PGAP4: variants seen among roughly 807,000 people sequenced by gnomAD.
PGAP4 encodes post-GPI attachment to proteins GalNAc transferase 4, also known as GPI-N-acetylgalactosamine transferase PGAP4.
A neutral mutation model predicts 28.2 loss-of-function variants in PGAP4; 12 were observed. The observed-to-expected ratio is 0.42, with a 90% CI of 0.27 to 0.69. The LOEUF (loss-of-function observed/expected upper bound fraction) is 0.69. Ranked by LOEUF, PGAP4 falls within the 30% of genes least tolerant of loss-of-function variation. PGAP4 has a pLI of 0.22. For synonymous variants in PGAP4, 205 were observed against 211.8 expected, an observed-to-expected ratio of 0.97 and a Z score of 0.28; for missense variants, 425 against 513.5, an observed-to-expected ratio of 0.83 and a Z score of 1.67.
chr9:101,520,821 T>C (rs944335451), intron 2 of PGAP4, among the ~76,000 whole-genome samples: 1 of 152,216 alleles, frequency 6.6e-6, no homozygotes, highest in African/African-American at 2.4e-5. Flanking sequence ...TGCTTTCAAC[T>C]TTTCCCCATT....
intron 2 of PGAP4, among the ~76,000 whole-genome samples, chr9:101,511,016 G>C (rs998477879): frequency 6.6e-6 from 1 of 152,164 alleles, no homozygotes; most frequent in Non-Finnish European, 1.5e-5. Context: ...ATGTTAATCT[G>C]TATTTGCAGC....
intron 2 of PGAP4, among the ~76,000 whole-genome samples, chr9:101,497,544 C>A (rs1826762037): frequency 6.6e-6 from 1 of 151,346 alleles, no homozygotes; most frequent in Non-Finnish European, 1.5e-5. Flanking sequence ...AACCCTGACA[C>A]CTTAATATAT....
chr9:101,492,439 G>A (rs1428463589), intron 2 of PGAP4, among the ~76,000 whole-genome samples: 5 of 151,996 alleles, frequency 3.3e-5, no homozygotes, highest in East Asian at 1.9e-4. Flanking sequence ...TGATCCGCCC[G>A]CCCGGCAGTA....
intron 2 of PGAP4, among the ~76,000 whole-genome samples, chr9:101,493,477 A>C (rs951371161): frequency 2.0e-5 from 3 of 152,242 alleles, no homozygotes; most frequent in African/African-American, 4.8e-5. Flanking sequence ...TGTGTACTCC[A>C]TGAATATGTA....
chr9:101,476,125 A>G lies in PGAP4; in HGVS notation c.968T>C (p.Leu323Pro). The part of the protein sequence containing the change: ...FLELRRLSPS[L>P]YSVVPASQCC... ...CTGAGAGGCAGGAACCACACTGTAC[A>G]GGGAAGGACTCAGCCGCCGCAGTTC... The change falls in exon 2 of 2, where the codon CTG becomes CCG. Residue 323 changes from leucine (L) to proline (P), a missense_variant. Transcript: ENST00000374848. The surrounding 1 kb of genome is among the most constrained non-coding windows in gnomAD (Gnocchi z 7.0). 1 of 1,614,048 alleles carries G rather than the reference A, an allele frequency of 6.2e-7. No individual in the cohort carries two copies. The highest frequency in any genetic ancestry group is 8.5e-7 in the Non-Finnish European group (1 of 1,179,960).
At chr9:101,483,060 T>C (rs1826529976) in intron 1 of PGAP4, among the ~76,000 whole-genome samples, 1 of 152,234 alleles carries the variant, frequency 6.6e-6, no homozygotes, top group Admixed American at 6.5e-5. Flanking sequence ...ATGATGCCTG[T>C]TGTCTTCCAT....
At chr9:101,493,917 T>C (rs147035990) in intron 2 of PGAP4, among the ~76,000 whole-genome samples, 14 of 152,162 alleles carry the variant, frequency 9.2e-5, no homozygotes, top group African/African-American at 3.4e-4. Flanking sequence ...GGTCTATAGG[T>C]ATATAACAAG....
intron 2 of PGAP4, among the ~76,000 whole-genome samples, chr9:101,495,217 T>C (rs374365776): frequency 2.4e-5 from 2 of 84,644 alleles, no homozygotes; most frequent in Non-Finnish European, 4.4e-5. Flanking sequence ...ATATATTTTA[T>C]ATATATTATA....
chr9:101,498,015 AC>A (rs1050500612), intron 2 of PGAP4, among the ~76,000 whole-genome samples: 1 of 151,884 alleles, frequency 6.6e-6, no homozygotes, highest in African/African-American at 2.4e-5. Context: ...CAAAATTGGA[AC>A]CTGTTTATAT....
At chr9:101,497,933 AT>A (rs1221030561) in intron 2 of PGAP4, among the ~76,000 whole-genome samples, 1 of 151,804 alleles carries the variant, frequency 6.6e-6, no homozygotes, top group East Asian at 1.9e-4. Flanking sequence ...TTATTTTAGA[AT>A]TTTAGTTAGG....
At position 101,476,223 on chromosome 9, in the gene PGAP4, G is replaced by A; in HGVS notation, c.870C>T (p.Ser290=). 1 of 1,614,190 alleles carries A rather than the reference G, an allele frequency of 6.2e-7. No individual in the cohort carries two copies. The highest frequency in any genetic ancestry group is 8.5e-7 in the Non-Finnish European group (1 of 1,180,040). The change falls in exon 2 of 2, where the codon AGC becomes AGT. Residue 290 remains serine, a synonymous_variant. Coordinates refer to ENST00000374848, the MANE Select transcript of PGAP4 (RefSeq NM_032342.3). This position sits in a 1 kb window ranked among gnomAD's most constrained non-coding sequence, Gnocchi z 7.0. ...YMRFASRPGF[S]WPVMLFFSLY... is the part of the protein sequence containing the mutation. ...GGGAGAAGAAGAGCATTACAGGCCA[G>A]CTAAACCCTGGGCGGCTGGCAAACC...
chr9:101,508,343 C>T (rs1008624635), intron 2 of PGAP4, among the ~76,000 whole-genome samples: 3 of 152,040 alleles, frequency 2.0e-5, no homozygotes, highest in Admixed American at 6.6e-5. Flanking sequence ...TGCGGTAGTT[C>T]ATAACTTCGG....
chr9:101,515,897 G>A (rs1826940067), intron 2 of PGAP4, among the ~76,000 whole-genome samples: 1 of 151,994 alleles, frequency 6.6e-6, no homozygotes, highest in African/African-American at 2.4e-5. Context: ...GTTAATGATA[G>A]TGTATAACAT....
chr9:101,509,068 T>A (rs914575371), intron 2 of PGAP4, among the ~76,000 whole-genome samples: 3 of 152,186 alleles, frequency 2.0e-5, no homozygotes, highest in Admixed American at 6.5e-5. Context: ...AAGCAGTTGA[T>A]CCTCTTCTAG....
chr9:101,503,488 T>TTG (rs1466260601), intron 2 of PGAP4, among the ~76,000 whole-genome samples: 1 of 152,110 alleles, frequency 6.6e-6, no homozygotes, highest in Admixed American at 6.6e-5. Context: ...AATTTTCATG[T>TTG]TGGGTGGTAG....
intron 2 of PGAP4, among the ~76,000 whole-genome samples, chr9:101,512,158 T>C (rs116703324): frequency 0.015 from 2,218 of 152,250 alleles, 48 homozygotes; most frequent in African/African-American, 0.05. Context: ...TGTTTTGGAT[T>C]GAGCTCCTCT....
intron 2 of PGAP4, among the ~76,000 whole-genome samples, chr9:101,527,896 C>A (rs561534415): frequency 7.9e-4 from 120 of 152,278 alleles, no homozygotes; most frequent in Non-Finnish European, 1.5e-3. Flanking sequence ...AGTGATCCAT[C>A]TCATCATCTT....
At chr9:101,492,621 G>A (rs912423145) in intron 2 of PGAP4, among the ~76,000 whole-genome samples, 2 of 152,024 alleles carry the variant, frequency 1.3e-5, no homozygotes, top group Non-Finnish European at 2.9e-5. Flanking sequence ...CTAGTAGGCA[G>A]TTTGACTTGC....
chr9:101,495,173 A>C, intron 2 of PGAP4, among the ~76,000 whole-genome samples: 1 of 107,146 alleles, frequency 9.3e-6, no homozygotes, highest in Non-Finnish European at 1.8e-5. Context: ...TATATATATT[A>C]TATATATTTT....
Sources: allele counts gnomAD v4.1 joint callset (sites outside exome capture counted in the v4.1 genomes callset), GRCh38; gene constraint gnomAD v4.1.1; non-coding constraint Gnocchi (gnomAD v3.1); transcripts MANE v1.5; gene names NCBI Gene and HGNC (gene_info 2026-07-23, HGNC 2026-07-21).